The following SDK1 variants were observed in gnomAD, a reference collection of about 807,000 sequenced individuals.
The protein encoded by SDK1 is protein sidekick-1.
SDK1 carries 157 observed loss-of-function variants against 245.5 expected under a neutral mutation model. The ratio of observed to expected loss-of-function variants is 0.64; its 90% CI spans 0.56 to 0.73. SDK1 has a LOEUF of 0.73. SDK1 is among the 30% of genes least tolerant of loss of function. The pLI, the probability that SDK1 is intolerant of heterozygous loss-of-function variation, is 0.00. For missense variants in SDK1, 3,583 were observed against 3,002.3 expected, an observed-to-expected ratio of 1.19 and a Z score of -4.52; for synonymous variants, 1,647 against 1,278.5, an observed-to-expected ratio of 1.29 and a Z score of -6.15.
In SDK1 at chr7:3,383,944, A is replaced by C. The variant is rs374328927; in HGVS notation, c.298+82060A>C. On this transcript the variant is annotated intron_variant, in intron 1 of 44. Transcript: ENST00000404826. ...GGGTCACAACACATTCTTACATTTC[A>C]GAATATAAGACATTAAAACATTTTA... is the stretch of plus-strand genomic sequence containing the variant. Among the ~76,000 whole-genome samples, 3 of 152,340 alleles carry C rather than the reference A, an allele frequency of 2.0e-5. No individual in the cohort carries two copies. In the East Asian group the frequency reaches 5.8e-4, roughly 29 times the overall value.
rs1788535937 is a variant in SDK1 at position 4,267,435 on chromosome 7, C to T, written c.*2051C>T. The T allele has an allele frequency of 3.0e-6, 3 of 985,446 alleles. No individual in the cohort carries two copies. The highest frequency in any genetic ancestry group is 4.7e-5 in the South Asian group (1 of 21,284). The allele number at this position is 985,446 out of a possible 1,614,324, so 61.0% of individuals were successfully genotyped here. Reference sequence around the variant, plus strand: ...CCCAAAGCCACTTCTGCATGAGAATCGCAACCCACAGTTCCCCGGATGAGA... The same window carrying T: ...CCCAAAGCCACTTCTGCATGAGAATTGCAACCCACAGTTCCCCGGATGAGA... On this transcript the variant is annotated 3_prime_UTR_variant, in exon 45 of 45. Transcript: ENST00000404826.
rs562140349 is a variant in SDK1 at position 4,033,816 on chromosome 7, G to A, written c.2603-15532G>A. Among the ~76,000 whole-genome samples the A allele has an allele frequency of 7.4e-4, 112 of 152,208 alleles. 1 individual carries two copies. The highest frequency in any genetic ancestry group is 2.4e-3 in the African/African-American group (101 of 41,534). On this transcript the variant is annotated intron_variant, in intron 17 of 44. Transcript: ENST00000404826. ...AATACTCTGATGAGGCTCGGGGGAG[G>A]GGGAAGAGGCATTGCTGCTAGGAAT... is the stretch of plus-strand genomic sequence containing the variant.
chr7:3,624,233 C>G (rs1232118806), intron 2 of SDK1, among the ~76,000 whole-genome samples: 8 of 152,186 alleles, frequency 5.3e-5, no homozygotes, highest in Non-Finnish European at 1.2e-4. Flanking sequence ...GGGTCTCACT[C>G]TGTTGCCCAG....
Position 3,592,012 on chromosome 7 carries a change from A to G in SDK1, c.299-27068A>G, listed in dbSNP as rs1012530969. On this transcript the variant is annotated intron_variant, in intron 1 of 44. Transcript: ENST00000404826. ...GATAGTTCTATACAGAAACAAATGA[A>G]TATATTTTTACCATTTGTGGAAATT... is the stretch of plus-strand genomic sequence containing the variant. 2.6e-5 allele frequency among the ~76,000 whole-genome samples: 4 copies of G among 152,308 alleles called. No individual in the cohort carries two copies. In the South Asian group the frequency reaches 6.2e-4, roughly 24 times the overall value.
At chr7:4,138,191 A>G (rs1044298790) in intron 28 of SDK1, among the ~76,000 whole-genome samples, 1 of 152,168 alleles carries the variant, frequency 6.6e-6, no homozygotes, top group Non-Finnish European at 1.5e-5. Flanking sequence ...GTGCTTTGCA[A>G]TCTGCATACA....
intron 32 of SDK1, among the ~76,000 whole-genome samples, chr7:4,162,618 T>C (rs2128213075): frequency 6.6e-6 from 1 of 152,210 alleles, no homozygotes; most frequent in South Asian, 2.1e-4. Flanking sequence ...CAGGCTGATC[T>C]TGAACTCCTG....
chr7:4,263,167 T>C (rs1461327573), intron 44 of SDK1, among the ~76,000 whole-genome samples: 1 of 5,728 alleles, frequency 1.7e-4, no homozygotes, highest in Admixed American at 2.9e-3. Flanking sequence ...CACCCCCTCC[T>C]TCCCCTCTAC....
At chr7:3,475,639 T>C (rs1301464741) in intron 1 of SDK1, among the ~76,000 whole-genome samples, 1 of 152,230 alleles carries the variant, frequency 6.6e-6, no homozygotes, top group African/African-American at 2.4e-5. Context: ...GATTATGTTA[T>C]GGCCAGGTTT....
intron 4 of SDK1, among the ~76,000 whole-genome samples, chr7:3,794,224 T>A (rs560919584): frequency 6.6e-6 from 1 of 152,290 alleles, no homozygotes; most frequent in African/African-American, 2.4e-5. Context: ...GTGTAAAAGA[T>A]CAGCAGCATG....
chr7:3,435,401 G>C (rs1367309383), intron 1 of SDK1, among the ~76,000 whole-genome samples: 4 of 134,368 alleles, frequency 3.0e-5, no homozygotes, highest in African/African-American at 1.1e-4. Flanking sequence ...CTTGATCTCA[G>C]CTCACTGCAA....
In SDK1 at chr7:4,268,362, G is replaced by A; in HGVS notation, c.*2978G>A. 9.5e-7 allele frequency: 1 copy of A among 1,053,948 alleles called. No homozygotes were observed. The highest frequency in any genetic ancestry group is 1.2e-6 in the Non-Finnish European group (1 of 868,778). The allele number at this position is 1,053,948 out of a possible 1,614,324, so 65.3% of individuals were successfully genotyped here. ...AGAGCTGCCAGGCCACACCCCCTCG[G>A]CCTCCTGCACGGCCACCTTCTGGGT... On this transcript the variant is annotated 3_prime_UTR_variant, in exon 45 of 45. Transcript: ENST00000404826.
In SDK1 at chr7:3,987,213, C is replaced by T. The variant is rs768956276; in HGVS notation, c.2022C>T (p.Leu674=). ...VIELPHSPQN[L]LVSPNSSHSH... is the part of the protein sequence containing the mutation. ...AACTGCCTCATTCACCTCAGAACCT[C>T]CTGGTCAGCCCTAATTCTTCCCACA... is the stretch of plus-strand genomic sequence containing the variant. The change falls in exon 14 of 45, where the codon CTC becomes CTT. Residue 674 remains leucine (L), a synonymous_variant. Coordinates refer to ENST00000404826, the MANE Select transcript of SDK1 (RefSeq NM_152744.4). The T allele has an allele frequency of 1.9e-6, 3 of 1,614,166 alleles. No homozygotes were observed. The highest frequency in any genetic ancestry group is 1.3e-5 in the African/African-American group (1 of 75,036).
chr7:3,536,561 G>A (rs1778893303), intron 1 of SDK1, among the ~76,000 whole-genome samples: 2 of 151,920 alleles, frequency 1.3e-5, no homozygotes, highest in Non-Finnish European at 2.9e-5. Flanking sequence ...AGGCATGGTG[G>A]CTCACCCCTG....
At chr7:4,008,555 A>G (rs1041025408) in intron 14 of SDK1, among the ~76,000 whole-genome samples, 2 of 152,148 alleles carry the variant, frequency 1.3e-5, no homozygotes, top group African/African-American at 4.8e-5. Context: ...TTTTTTTTAG[A>G]TAAGGTGGGC....
intron 25 of SDK1, among the ~76,000 whole-genome samples, chr7:4,120,712 G>C (rs895593140): frequency 1.3e-5 from 2 of 151,928 alleles, no homozygotes; most frequent in African/African-American, 2.4e-5. Context: ...TGCCTCCTGG[G>C]TGCAAGCGAT....
At chr7:4,149,198 T>A in intron 29 of SDK1, 64 bp from the exon 30 acceptor site, 2 of 1,355,772 alleles carry the variant, frequency 1.5e-6, no homozygotes, top group Non-Finnish European at 9.7e-7. Context: ...CGTAGCCTCC[T>A]GGGGATGTTC....
At chr7:3,541,331 A>G (rs1056536097) in intron 1 of SDK1, among the ~76,000 whole-genome samples, 1 of 152,244 alleles carries the variant, frequency 6.6e-6, no homozygotes, top group African/African-American at 2.4e-5. Flanking sequence ...CCACTTGCTC[A>G]GAGCCATGCA....
chr7:3,459,832 T>C (rs1216601116), intron 1 of SDK1, among the ~76,000 whole-genome samples: 1 of 152,174 alleles, frequency 6.6e-6, no homozygotes, highest in Non-Finnish European at 1.5e-5. Context: ...TTGAACTGAT[T>C]GGGATTCCTT....
At chr7:4,221,664 T>C (rs1785161141) in intron 40 of SDK1, among the ~76,000 whole-genome samples, 2 of 152,204 alleles carry the variant, frequency 1.3e-5, no homozygotes. Flanking sequence ...TTAGGGACAC[T>C]AAAAGGCATT....
Sources: allele counts gnomAD v4.1 joint callset (sites outside exome capture counted in the v4.1 genomes callset), GRCh38; gene constraint gnomAD v4.1.1; transcripts MANE v1.5; gene names NCBI Gene and HGNC (gene_info 2026-07-23, HGNC 2026-07-21).